SLC16A10: variants seen among roughly 807,000 people sequenced by gnomAD.
The protein encoded by SLC16A10 is monocarboxylate transporter 10.
In SLC16A10, 27 loss-of-function variants were observed where a neutral mutation model predicts 40.0. The ratio of observed to expected loss-of-function variants is 0.67; its 90% CI spans 0.50 to 0.93. The LOEUF is 0.93. Among genes scored for constraint, SLC16A10 ranks in the 40% least tolerant of loss-of-function variants. SLC16A10 has a pLI of 0.00. For missense variants in SLC16A10, 529 were observed against 658.2 expected (o/e 0.80, Z 2.15); for synonymous variants, 213 against 249.8 (o/e 0.85, Z 1.39).
chr6:111,156,186 T>C (rs1395045709), intron 1 of SLC16A10, among the ~76,000 whole-genome samples: 1 of 152,148 alleles, frequency 6.6e-6, no homozygotes, highest in African/African-American at 2.4e-5. Context: ...AATAAATAAA[T>C]GTGGGAGACT....
intron 4 of SLC16A10, among the ~76,000 whole-genome samples, chr6:111,217,970 C>CA (rs1237666149): frequency 1.3e-5 from 2 of 152,090 alleles, no homozygotes; most frequent in Non-Finnish European, 2.9e-5. Context: ...CAGTGCCTAC[C>CA]AAATAGTAGG....
intron 3 of SLC16A10, among the ~76,000 whole-genome samples, chr6:111,200,744 G>A (rs1464694155): frequency 1.3e-5 from 2 of 152,036 alleles, no homozygotes; most frequent in African/African-American, 2.4e-5. Context: ...TCAGATGTAC[G>A]TCTATTTTTT....
intron 5 of SLC16A10, among the ~76,000 whole-genome samples, chr6:111,220,350 C>T (rs976222566): frequency 3.3e-5 from 5 of 152,170 alleles, no homozygotes; most frequent in African/African-American, 1.2e-4. Flanking sequence ...CATGTGAATT[C>T]CACCTCTAGA....
rs1308021043 is a variant in SLC16A10, at chr6:111,218,879, C to A, written c.1152C>A (p.Ala384=). ...MMIPLCSIFG[A]LIAVCLIMGL... ...TTCCTCTGTGTAGCATCTTTGGGGC[C>A]CTCATTGCTGTGTGCCTCATCATGG... The change falls in exon 5 of 6, where the codon GCC becomes GCA. Residue 384 remains alanine, a synonymous_variant. Transcript: ENST00000368851. 1 of 1,613,876 alleles carries A rather than the reference C, an allele frequency of 6.2e-7. No individual in the cohort carries two copies. Among genetic ancestry groups the A allele is most frequent in the Non-Finnish European group, 8.5e-7 (1 of 1,180,006 alleles).
chr6:111,153,231 C>G (rs1329961191), intron 1 of SLC16A10, among the ~76,000 whole-genome samples: 2 of 152,052 alleles, frequency 1.3e-5, no homozygotes, highest in Non-Finnish European at 2.9e-5. Flanking sequence ...GGTGCACTGG[C>G]AAGAAATTAT....
intron 3 of SLC16A10, among the ~76,000 whole-genome samples, chr6:111,192,558 C>G (rs1206808614): frequency 6.6e-6 from 1 of 152,174 alleles, no homozygotes; most frequent in African/African-American, 2.4e-5. Flanking sequence ...TTTTTGGGTA[C>G]CTTTACAGCA....
chr6:111,170,839 C>CT (rs1225887392), intron 1 of SLC16A10, among the ~76,000 whole-genome samples: 2 of 152,180 alleles, frequency 1.3e-5, no homozygotes, highest in African/African-American at 4.8e-5. Flanking sequence ...AGATAGTAGA[C>CT]TAACAAATTC....
At position 111,177,353 on chromosome 6, in the gene SLC16A10, CA is replaced by C; in HGVS notation, c.631del (p.Ser211ValfsTer11). ...LVNGIVTAGS[S>X]VFTILLPLLL... ...TGAATGGCATTGTCACTGCTGGCAG[CA>C]GTGTCTTCACAATCCTGCTGCCTTT... On this transcript the variant is annotated frameshift_variant, in exon 3 of 6. Transcript: ENST00000368851. LOFTEE classifies it high-confidence loss of function. The C allele has an allele frequency of 2.5e-6, 4 of 1,613,842 alleles. No individual in the cohort carries two copies. Among genetic ancestry groups the C allele is most frequent in the Non-Finnish European group, 3.4e-6 (4 of 1,179,918 alleles).
intron 1 of SLC16A10, among the ~76,000 whole-genome samples, chr6:111,147,063 G>A (rs958262080): frequency 6.6e-6 from 1 of 152,200 alleles, no homozygotes; most frequent in African/African-American, 2.4e-5. Flanking sequence ...AGGAATGGGA[G>A]TGACTGCTAA....
chr6:111,153,129 C>T (rs2114517715), intron 1 of SLC16A10, among the ~76,000 whole-genome samples: 1 of 152,274 alleles, frequency 6.6e-6, no homozygotes, highest in African/African-American at 2.4e-5. Context: ...AGTATTCCTC[C>T]ATAGAAGGGC....
intron 1 of SLC16A10, among the ~76,000 whole-genome samples, chr6:111,107,258 A>G (rs1373378185): frequency 6.6e-6 from 1 of 152,228 alleles, no homozygotes; most frequent in Non-Finnish European, 1.5e-5. Flanking sequence ...ACTTGTTACA[A>G]CATGTCTGAA....
chr6:111,100,081 G>T (rs1223398910), intron 1 of SLC16A10, among the ~76,000 whole-genome samples: 1 of 150,322 alleles, frequency 6.7e-6, no homozygotes, highest in Non-Finnish European at 1.5e-5. Context: ...GGAAGGAAAA[G>T]ATTATGTTTC....
At chr6:111,194,231 T>C (rs1773042562) in intron 3 of SLC16A10, among the ~76,000 whole-genome samples, 1 of 152,210 alleles carries the variant, frequency 6.6e-6, no homozygotes, top group Non-Finnish European at 1.5e-5. Context: ...TCAAGTGCTT[T>C]TTTTCTTTGT....
At chr6:111,099,916 A>G (rs1212654247) in intron 1 of SLC16A10, among the ~76,000 whole-genome samples, 1 of 151,856 alleles carries the variant, frequency 6.6e-6, no homozygotes, top group Non-Finnish European at 1.5e-5. Flanking sequence ...CCAGCTACTC[A>G]AAAGGCTGAG....
rs1308425735 is a variant in SLC16A10, at chr6:111,225,550, A to AG, written c.*3315_*3316insG. ...GGGCGACAGAGCGAGACTCCATCTC[A>AG]AAAAAAAAAAAAAAAAGTAAAAGTA... On this transcript the variant is annotated 3_prime_UTR_variant, in exon 6 of 6. Coordinates refer to ENST00000368851, the MANE Select transcript of SLC16A10 (RefSeq NM_018593.5). 2.3e-5 allele frequency: 1 copy of AG among 44,234 alleles called. No homozygotes were observed. Among genetic ancestry groups the AG allele is most frequent in the African/African-American group, 1.4e-4 (1 of 7,300 alleles). The allele number at this position is 44,234 out of a possible 1,614,324, so 2.7% of individuals were successfully genotyped here. A position where few individuals can be genotyped will look rare whatever the true frequency, so the allele number is the denominator to read the frequency against.
intron 1 of SLC16A10, among the ~76,000 whole-genome samples, chr6:111,103,371 C>G (rs1382100505): frequency 2.0e-5 from 3 of 152,148 alleles, no homozygotes; most frequent in African/African-American, 7.2e-5. Flanking sequence ...ACACACGCCA[C>G]TATACCTGGC....
At chr6:111,160,545 C>G (rs1375935142) in intron 1 of SLC16A10, among the ~76,000 whole-genome samples, 1 of 152,234 alleles carries the variant, frequency 6.6e-6, no homozygotes, top group Non-Finnish European at 1.5e-5. Context: ...CTTTGCCAAC[C>G]AGGGACTCAC....
At chr6:111,216,790 G>C (rs183724071) in intron 4 of SLC16A10, among the ~76,000 whole-genome samples, 36 of 152,168 alleles carry the variant, frequency 2.4e-4, no homozygotes, top group African/African-American at 8.7e-4. Context: ...AAAATGTACC[G>C]AACTGTATGA....
At chr6:111,140,485 A>C (rs534582094) in intron 1 of SLC16A10, among the ~76,000 whole-genome samples, 78 of 151,912 alleles carry the variant, frequency 5.1e-4, no homozygotes, top group African/African-American at 1.8e-3. Flanking sequence ...GAAAAGGAAC[A>C]GAATGTTACC....
Sources: gnomAD v4.1 joint callset for allele counts (sites outside exome capture counted in the v4.1 genomes callset) on GRCh38, gnomAD v4.1.1 for gene constraint, MANE v1.5 for transcripts, NCBI Gene and HGNC (gene_info 2026-07-23, HGNC 2026-07-21) for gene names.